DOCK9: variants seen among roughly 807,000 people sequenced by gnomAD.
DOCK9 encodes the protein dedicator of cytokinesis protein 9.
A neutral mutation model predicts 263.3 loss-of-function variants in DOCK9; 89 were observed. The ratio of observed to expected loss-of-function variants is 0.34; its 90% CI spans 0.28 to 0.40. The LOEUF is 0.40. Ranked by LOEUF, DOCK9 falls within the 10% of genes least tolerant of loss-of-function variation. The pLI is 1.00. For missense variants in DOCK9, 2,140 were observed against 2,603.4 expected (o/e 0.82, Z 3.87); for synonymous variants, 976 against 973.1 (o/e 1.00, Z -0.06).
intron 1 of DOCK9, among the ~76,000 whole-genome samples, chr13:99,004,808 C>T (rs1172952804): frequency 6.6e-6 from 1 of 151,950 alleles, no homozygotes; most frequent in Non-Finnish European, 1.5e-5. Flanking sequence ...CACACACACA[C>T]ACACACACAC....
intron 33 of DOCK9, 167 bp from the exon 34 acceptor site, chr13:98,856,198 C>T (rs1307574150): frequency 8.1e-6 from 5 of 614,748 alleles, no homozygotes; most frequent in East Asian, 2.9e-5. Flanking sequence ...AGGTCATATA[C>T]AATGAGATAA....
chr13:98,831,476 C>T lies in DOCK9; in HGVS notation c.4507G>A (p.Glu1503Lys), dbSNP rs1263891006. ...TTGGAGTTACAGCACTTGAGAATCT[C>T]GTAACACAGAGCCGCACACATGTCC... ...RADMCAALCY[E>K]ILKCCNSKLS... Residue 1503 changes from glutamate to lysine, a missense_variant, in exon 41 of 53, where the codon GAG (glutamate) becomes AAG (lysine). Coordinates refer to ENST00000682017, the MANE Select transcript of DOCK9 (RefSeq NM_001366683.2). 1.9e-5 allele frequency: 30 copies of T among 1,593,358 alleles called. No individual in the cohort carries two copies. Among genetic ancestry groups the T allele is most frequent in the Non-Finnish European group, 2.5e-5 (29 of 1,169,526 alleles).
intron 3 of DOCK9, among the ~76,000 whole-genome samples, chr13:98,928,018 A>AC (rs1434296461): frequency 1.4e-4 from 20 of 139,430 alleles, no homozygotes; most frequent in Middle Eastern, 3.8e-3. Context: ...AAAAAAAAAA[A>AC]ACAAAAAAAA....
chr13:98,831,568 A>C, intron 40 of DOCK9, 38 bp from the exon 41 acceptor site: 1 of 1,590,184 alleles, frequency 6.3e-7, no homozygotes, highest in Non-Finnish European at 8.6e-7. Flanking sequence ...TAAACCACAG[A>C]CAGGTCAGTG....
Position 99,082,625 on chromosome 13 carries a change from G to C in DOCK9, c.129+3598C>G, listed in dbSNP as rs147351750. ...GAATAAGGGACTCTAGAAAAACCGA[G>C]TATGCCTCTTATTTAACAGAGCAGG... On this transcript the variant is annotated intron_variant, in intron 1 of 32. Transcript: ENST00000427887. 4.7e-3 allele frequency among the ~76,000 whole-genome samples: 714 copies of C among 152,176 alleles called. 2 individuals carry two copies. Among genetic ancestry groups the C allele is most frequent in the Admixed American group, 7.1e-3 (109 of 15,288 alleles).
Position 98,883,834 on chromosome 13 carries a change from C to T in DOCK9, c.2448G>A (p.Leu816=). The T allele has an allele frequency of 6.2e-7, 1 of 1,612,146 alleles. No individual in the cohort carries two copies. Among genetic ancestry groups the T allele is most frequent in the Non-Finnish European group, 8.5e-7 (1 of 1,179,244 alleles). Residue 816 remains leucine, a synonymous_variant, in exon 22 of 53, where the codon CTG becomes CTA. Transcript: ENST00000682017. ...GKPLLKISTH[L]VSTVYTQDQH... ...ATACCTGAGTATACACTGTAGAAAC[C>T]AGATGAGTGGAAATTTTCAGCAGTG...
In DOCK9 at chr13:98,807,740, T is replaced by C; in HGVS notation, c.5435A>G (p.Glu1812Gly). The change falls in exon 48 of 53, where the codon GAA (glutamate) becomes GGA (glycine). Residue 1812 changes from glutamate to glycine, a missense_variant. Around this residue, in one of 2 missense-constraint regions of DOCK9, gnomAD observed 619 missense variants for 861.8 expected, o/e 0.72. Coordinates refer to ENST00000682017, the MANE Select transcript of DOCK9 (RefSeq NM_001366683.2). ...YKEPKLTPLS[E>G]ISQRLLKLYS... ...CAGTTTAAGGAGTCTCTGAGAAATT[T>C]CCGACAGCGGTGTGAGTTTGGGTTC... The C allele has an allele frequency of 1.2e-6, 2 of 1,613,800 alleles. No individual in the cohort carries two copies. The highest frequency in any genetic ancestry group is 1.7e-6 in the Non-Finnish European group (2 of 1,179,768).
chr13:98,960,753 G>A (rs1416802614), intron 1 of DOCK9, among the ~76,000 whole-genome samples: 1 of 152,160 alleles, frequency 6.6e-6, no homozygotes, highest in Admixed American at 6.5e-5. Flanking sequence ...AGGAGCTCCA[G>A]GAGCAGGGAC....
chr13:98,918,277 A>C (rs556399983), intron 7 of DOCK9, among the ~76,000 whole-genome samples: 1 of 152,296 alleles, frequency 6.6e-6, no homozygotes, highest in East Asian at 1.9e-4. Flanking sequence ...TGAGTAGAAG[A>C]CACTGACGAG....
At chr13:98,948,904 A>G (rs2057049092) in intron 2 of DOCK9, among the ~76,000 whole-genome samples, 1 of 152,144 alleles carries the variant, frequency 6.6e-6, no homozygotes, top group Non-Finnish European at 1.5e-5. Context: ...CAGGCTGAAT[A>G]ATATTCCATT....
At chr13:98,862,619 G>A (rs1329206558) in intron 32 of DOCK9, among the ~76,000 whole-genome samples, 2 of 152,038 alleles carry the variant, frequency 1.3e-5, no homozygotes, top group African/African-American at 4.8e-5. Flanking sequence ...AACCTGGGAG[G>A]TGGAGGTTGC....
At chr13:98,854,819 A>C (rs1329032733) in intron 34 of DOCK9, 1 of 152,248 alleles carries the variant, frequency 6.6e-6, no homozygotes, top group Non-Finnish European at 1.5e-5. Flanking sequence ...CTCGCACCTC[A>C]ACAGAACTGC....
chr13:98,976,094 A>G (rs1336222636), intron 1 of DOCK9, among the ~76,000 whole-genome samples: 3 of 152,182 alleles, frequency 2.0e-5, no homozygotes, highest in Non-Finnish European at 4.4e-5. Context: ...ACCCTGCTGG[A>G]AGAAGAGAAA....
chr13:99,015,649 C>A, intron 1 of DOCK9: 1 of 1,548,534 alleles, frequency 6.5e-7, no homozygotes, highest in South Asian at 1.2e-5. Flanking sequence ...AATCTCTACT[C>A]CATTTCCACA....
At chr13:98,816,584 G>A (rs1343270262) in intron 45 of DOCK9, among the ~76,000 whole-genome samples, 1 of 152,078 alleles carries the variant, frequency 6.6e-6, no homozygotes, top group East Asian at 1.9e-4. Context: ...GTAAAAGATG[G>A]CGGGAGTGCA....
intron 1 of DOCK9, among the ~76,000 whole-genome samples, chr13:99,059,147 T>C (rs2041067858): frequency 1.3e-5 from 2 of 152,164 alleles, no homozygotes; most frequent in Admixed American, 6.5e-5. Context: ...AGGCGGGCCA[T>C]GGTAAATACA....
chr13:99,071,378 C>T (rs1009278818), intron 1 of DOCK9, among the ~76,000 whole-genome samples: 1 of 143,944 alleles, frequency 6.9e-6, no homozygotes, highest in Admixed American at 7.2e-5. Context: ...TCAATCCATC[C>T]ATCTACCTTG....
chr13:98,955,429 A>T lies in DOCK9; in HGVS notation c.243+6T>A. The T allele has an allele frequency of 1.9e-6, 3 of 1,560,336 alleles. No homozygotes were observed. Among genetic ancestry groups the T allele is most frequent in the Non-Finnish European group, 2.6e-6 (3 of 1,146,432 alleles). ...GTTCTACGGATAGAAACATAACGTT[A>T]CTTACCTGAAAGTCATCGTAAGGGA... On this transcript the variant is annotated splice_donor_region_variant and intron_variant, in intron 2 of 52. Transcript: ENST00000682017.
intron 2 of DOCK9, among the ~76,000 whole-genome samples, chr13:98,937,049 C>T (rs1460797229): frequency 6.6e-6 from 1 of 152,134 alleles, no homozygotes; most frequent in Non-Finnish European, 1.5e-5. Flanking sequence ...CATATTTCTG[C>T]TAAAAGATAG....
Sources: gnomAD v4.1 joint callset for allele counts (sites outside exome capture counted in the v4.1 genomes callset) on GRCh38, gnomAD v4.1.1 for gene constraint, gnomAD v4.1.1 regional missense constraint, MANE v1.5 for transcripts, NCBI Gene and HGNC (gene_info 2026-07-23, HGNC 2026-07-21) for gene names.